The following PLIN4 variants were observed in gnomAD, a reference collection of about 807,000 sequenced individuals.
PLIN4 encodes perilipin-4.
Under a neutral mutation model 52.4 loss-of-function variants are expected in PLIN4, and 57 were observed. The observed-to-expected ratio is 1.09, with a 90% CI of 0.88 to 1.36. The LOEUF is 1.36. Among genes scored for constraint, PLIN4 ranks in the 40% most tolerant of loss-of-function variants. PLIN4 has a pLI of 0.00. For missense variants in PLIN4, 1,757 were observed against 1,770.3 expected (o/e 0.99, Z 0.13); for synonymous variants, 826 against 785.4 (o/e 1.05, Z -0.86).
At chr19:4,509,042 G>A (rs990932528) in intron 5 of PLIN4, 87 bp from the exon 6 acceptor site, 2 of 1,314,038 alleles carry the variant, frequency 1.5e-6, no homozygotes, top group Non-Finnish European at 2.0e-6. Context: ...GGGCGCGGCG[G>A]TTCCCGCCTG....
chr19:4,507,258 A>G (rs532899028), intron 6 of PLIN4, among the ~76,000 whole-genome samples: 2 of 152,198 alleles, frequency 1.3e-5, no homozygotes, highest in African/African-American at 4.8e-5. Flanking sequence ...CCGGGGTGGG[A>G]CTGCTGTCCA....
chr19:4,505,823 C>T (rs1976075798), intron 6 of PLIN4, among the ~76,000 whole-genome samples: 1 of 152,136 alleles, frequency 6.6e-6, no homozygotes, highest in Non-Finnish European at 1.5e-5. Flanking sequence ...CACCAGGCAT[C>T]TCCCCTCACC....
rs767053686 is a variant in PLIN4 at position 4,513,346 on chromosome 19, A to G, written c.614T>C (p.Val205Ala). The stretch of plus-strand genomic sequence containing the variant: ...CACTGCCCCCATGACCCCAGTAGTC[A>G]CTGTGTCTTTGGTGCCGGTCAGCAC... ...KTVLTGTKDT[V>A]TTGVMGAVNL... Residue 205 changes from valine (V) to alanine (A), a missense_variant, in exon 5 of 8, where the codon GTG (valine) becomes GCG (alanine). This residue lies in a region of PLIN4 where 332 missense variants were observed against 310.8 expected (regional missense o/e 1.07). Transcript: ENST00000301286. The G allele has an allele frequency of 6.2e-7, 1 of 1,613,398 alleles. No individual in the cohort carries two copies. The highest frequency in any genetic ancestry group is 1.7e-5 in the Admixed American group (1 of 59,980).
rs960778658 is a variant in PLIN4, at chr19:4,512,333, C to T, written c.1627G>A (p.Val543Met). ...TGGACGGCCCCTTTGGCCACGTTCACAGCACTGGTCACCCCACTGCAGACG... is the reference window on the plus strand; with the variant it reads ...TGGACGGCCCCTTTGGCCACGTTCATAGCACTGGTCACCCCACTGCAGACG... ...DTVCSGVTSA[V>M]NVAKGAVQGG... Residue 543 changes from valine to methionine, a missense_variant, in exon 5 of 8, where the codon GTG becomes ATG. This residue lies in a region of PLIN4 where 439 missense variants were observed against 406.4 expected (regional missense o/e 1.08). Coordinates refer to ENST00000301286, the MANE Select transcript of PLIN4 (RefSeq NM_001367868.2). The T allele has an allele frequency of 2.5e-6, 4 of 1,611,586 alleles. No homozygotes were observed. Among genetic ancestry groups the T allele is most frequent in the Non-Finnish European group, 2.5e-6 (3 of 1,179,568 alleles).
rs368601576 is a variant in PLIN4 at position 4,512,124 on chromosome 19, G to A, written c.1836C>T (p.Ala612=). The change falls in exon 5 of 8, where the codon GCC becomes GCT. Residue 612 remains alanine (A), a synonymous_variant. Transcript: ENST00000301286. The part of the protein sequence containing the change: ...TTGLVGAVNV[A]KGTVQTGMDT... The stretch of plus-strand genomic sequence containing the variant: ...CCATGCCTGTCTGGACGGTCCCTTT[G>A]GCGACATTCACTGCCCCCACGAGCC... 5 of 1,607,796 alleles carry A rather than the reference G, an allele frequency of 3.1e-6. No individual in the cohort carries two copies. The highest frequency in any genetic ancestry group is 1.1e-5 in the South Asian group (1 of 90,818).
rs773231775 is a variant in PLIN4, at chr19:4,510,932, C to A, written c.3028G>T (p.Gly1010Trp). The A allele has an allele frequency of 6.8e-6, 11 of 1,613,474 alleles. No homozygotes were observed. Among genetic ancestry groups the A allele is most frequent in the Non-Finnish European group, 9.3e-6 (11 of 1,179,886 alleles). ...GTGTCCAGGCCCCCCTGGACGGCCC[C>A]TTTGGCCATGCTCATGGCACCGGTA... ...GVTGAMSMAK[G>W]AVQGGLDTTK... Residue 1010 changes from glycine to tryptophan, a missense_variant, in exon 5 of 8, where the codon GGG becomes TGG. Physicochemically the swap from Gly to Trp is radical, Grantham distance 184 (BLOSUM62 -2). Around this residue, in one of 7 missense-constraint regions of PLIN4, gnomAD observed 712 missense variants for 637.1 expected, o/e 1.12. Coordinates refer to ENST00000301286, the MANE Select transcript of PLIN4 (RefSeq NM_001367868.2).
chr19:4,518,125 C>T (rs1976639580), intron 2 of PLIN4, 97 bp downstream of exon 2: 5 of 1,064,174 alleles, frequency 4.7e-6, no homozygotes, highest in Non-Finnish European at 4.8e-6. Context: ...GGAAGCACCT[C>T]TCCAGATTCG....
chr19:4,506,824 G>A (rs544043884), intron 6 of PLIN4, among the ~76,000 whole-genome samples: 31 of 152,370 alleles, frequency 2.0e-4, no homozygotes, highest in African/African-American at 6.7e-4. Flanking sequence ...CCTCCATGGC[G>A]TTTACAGGAA....
intron 6 of PLIN4, among the ~76,000 whole-genome samples, chr19:4,508,455 C>T (rs1443760909): frequency 6.6e-5 from 10 of 152,264 alleles, no homozygotes; most frequent in East Asian, 3.9e-4. Context: ...TTAGTAGAGA[C>T]GGGGTTTCTC....
rs1314132518 is a variant in PLIN4, at chr19:4,517,715, G to T, written c.52-17C>A. On this transcript the variant is annotated splice_polypyrimidine_tract_variant and intron_variant, in intron 2 of 7. Transcript: ENST00000301286. ...GCCCAGGGTCTGCATGGGGGCGGGG[G>T]GTGTGCAGGATGAGCAGGCCAAGCC... 5 of 1,571,128 alleles carry T rather than the reference G, an allele frequency of 3.2e-6. No homozygotes were observed. Among genetic ancestry groups the T allele is most frequent in the Non-Finnish European group, 4.3e-6 (5 of 1,158,674 alleles).
In PLIN4 at chr19:4,504,534, C is replaced by T. The variant is rs1976026174; in HGVS notation, c.4041G>A (p.Leu1347=). Residue 1347 remains leucine (L), a synonymous_variant, in exon 8 of 8, where the codon CTG becomes CTA. Transcript: ENST00000301286. ...VHQAWQGLEQ[L]LEGLQHNPPL... Reference sequence around the variant, plus strand: ...GGGGATTGTGCTGTAGGCCCTCCAGCAGCTGCTCTAACCCCTGCCAAGCCT... The same window carrying T: ...GGGGATTGTGCTGTAGGCCCTCCAGTAGCTGCTCTAACCCCTGCCAAGCCT... 1 of 1,605,442 alleles carries T rather than the reference C, an allele frequency of 6.2e-7. No homozygotes were observed. Among genetic ancestry groups the T allele is most frequent in the African/African-American group, 1.3e-5 (1 of 74,776 alleles).
intron 7 of PLIN4, 36 bp downstream of exon 7, chr19:4,504,825 C>T (rs933340549): frequency 3.8e-5 from 61 of 1,602,648 alleles, no homozygotes; most frequent in Middle Eastern, 1.6e-4. Flanking sequence ...GACCCATGGG[C>T]GGGGTGGGGG....
chr19:4,510,705 T>C lies in PLIN4; in HGVS notation c.3255A>G (p.Gln1085=), dbSNP rs773371009. 2 of 1,527,894 alleles carry C rather than the reference T, an allele frequency of 1.3e-6. No individual in the cohort carries two copies. 94.6% of individuals were successfully genotyped at this position (1,527,894 alleles called of 1,614,324 possible). A position where few individuals can be genotyped will look rare whatever the true frequency, so the allele number is the denominator to read the frequency against. ...NGGEQTALSP[Q]EAPFSGISTP... ...TGGAGATGCCAGAGAACGGGGCCTC[T>C]TGGGGGCTCAGGGCAGTCTGCTCCC... The change falls in exon 5 of 8, where the codon CAA becomes CAG. Residue 1085 remains glutamine, a synonymous_variant. Transcript: ENST00000301286.
At position 4,505,757 on chromosome 19, in the gene PLIN4, C is replaced by T. The variant is rs540397594; in HGVS notation, c.3703-810G>A. On this transcript the variant is annotated intron_variant, in intron 6 of 7. Transcript: ENST00000301286. ...GCTGTCGCCCTCCCAGCCCTCGCCG[C>T]GCCAGTGCTGGAGACCTGAAGCCAG... Among the ~76,000 whole-genome samples, 5 of 152,286 alleles carry T rather than the reference C, an allele frequency of 3.3e-5. No individual in the cohort carries two copies. In the East Asian group the frequency reaches 7.7e-4, roughly 24 times the overall value.
In PLIN4 at chr19:4,504,876, G is replaced by A. The variant is rs201822855; in HGVS notation, c.3774C>T (p.Asp1258=). The A allele has an allele frequency of 2.8e-5, 45 of 1,606,788 alleles. No homozygotes were observed. The highest frequency in any genetic ancestry group is 1.3e-4 in the South Asian group (12 of 89,708). ...CCAGACCCACCTCCTGGACAGCAGC[G>A]TCCTCCGCACTGGCACCTGAGCCCT... The part of the protein sequence containing the change: ...LDQGSGASAE[D]AAVQEERDAG... The change falls in exon 7 of 8, where the codon GAC becomes GAT. Residue 1258 remains aspartate, a synonymous_variant. Coordinates refer to ENST00000301286, the MANE Select transcript of PLIN4 (RefSeq NM_001367868.2).
rs202134252 is a variant in PLIN4, at chr19:4,510,907, G to C, written c.3053C>G (p.Thr1018Ser). Residue 1018 changes from threonine (T) to serine (S), a missense_variant, in exon 5 of 8, where the codon ACC becomes AGC. Physicochemically the swap from Thr to Ser is moderately conservative, Grantham distance 58. Around this residue, in one of 7 missense-constraint regions of PLIN4, gnomAD observed 712 missense variants for 637.1 expected, o/e 1.12. Transcript: ENST00000301286. ...GGTTCCGGTCAGCACTGTCTTGGTG[G>C]TGTCCAGGCCCCCCTGGACGGCCCC... ...AKGAVQGGLDTTKTVLTGTKD... is the reference protein window; with the variant it reads ...AKGAVQGGLDSTKTVLTGTKD... 7.4e-5 allele frequency: 120 copies of C among 1,613,644 alleles called. No individual in the cohort carries two copies. Among genetic ancestry groups the C allele is most frequent in the Admixed American group, 3.3e-4 (20 of 60,036 alleles).
chr19:4,509,152 A>T (rs1037827219), intron 5 of PLIN4, among the ~76,000 whole-genome samples, 197 bp from the exon 6 acceptor site: 1 of 151,468 alleles, frequency 6.6e-6, no homozygotes, highest in Non-Finnish European at 1.5e-5. Context: ...TACTAAAAAA[A>T]TACAAAAAAT....
Position 4,510,813 on chromosome 19 carries a change from G to A in PLIN4, c.3147C>T (p.Leu1049=), listed in dbSNP as rs761416014. Residue 1049 remains leucine, a synonymous_variant, in exon 5 of 8, where the codon CTC becomes CTT. Transcript: ENST00000301286. ...NVATGATHTG[L]STFQNWLPST... is the part of the protein sequence containing the mutation. ...TAGGTAACCAGTTCTGGAAGGTGCT[G>A]AGGCCAGTGTGGGTGGCCCCTGTCG... is the stretch of plus-strand genomic sequence containing the variant. 1.2e-6 allele frequency: 2 copies of A among 1,609,510 alleles called. No homozygotes were observed. Among genetic ancestry groups the A allele is most frequent in the South Asian group, 2.2e-5 (2 of 90,932 alleles).
In PLIN4 at chr19:4,502,335, G is replaced by A. The variant is rs564920590; in HGVS notation, c.*2124C>T. 4.0e-4 allele frequency: 162 copies of A among 401,128 alleles called. No homozygotes were observed. Among genetic ancestry groups the A allele is most frequent in the Admixed American group, 7.1e-4 (18 of 25,524 alleles). The allele number at this position is 401,128 out of a possible 1,614,324, so 24.8% of individuals were successfully genotyped here. On this transcript the variant is annotated 3_prime_UTR_variant, in exon 8 of 8. Coordinates refer to ENST00000301286, the MANE Select transcript of PLIN4 (RefSeq NM_001367868.2). ...GAGCCATCAGGCCACCGTGAGAAGC[G>A]ACTAAAAGGCACTCTGGGCCCAGCC...
Sources: allele counts gnomAD v4.1 joint callset (sites outside exome capture counted in the v4.1 genomes callset), GRCh38; gene constraint gnomAD v4.1.1; regional missense constraint gnomAD v4.1.1; transcripts MANE v1.5; gene names NCBI Gene and HGNC (gene_info 2026-07-23, HGNC 2026-07-21).